The following NR2C1 variants were observed in gnomAD, a reference collection of about 807,000 sequenced individuals.
NR2C1 encodes the protein nuclear receptor subfamily 2 group C member 1.
In NR2C1, 33 loss-of-function variants were observed where a neutral mutation model predicts 74.8. That is an observed-to-expected ratio of 0.44 (90% CI 0.33 to 0.59). The LOEUF is 0.59. Ranked by LOEUF, NR2C1 falls within the 20% of genes least tolerant of loss-of-function variation. The probability of loss-of-function intolerance (pLI) is 0.02; values close to 1 mark genes in which losing one functional copy is unlikely to be tolerated. For missense variants in NR2C1, 568 were observed against 715.6 expected, an observed-to-expected ratio of 0.79 and a Z score of 2.35; for synonymous variants, 225 against 240.6, an observed-to-expected ratio of 0.94 and a Z score of 0.60.
intron 2 of NR2C1, among the ~76,000 whole-genome samples, chr12:95,065,944 T>C (rs1446514957): frequency 6.9e-6 from 1 of 145,926 alleles, no homozygotes; most frequent in Non-Finnish European, 1.5e-5. Flanking sequence ...AGCGAGACTT[T>C]GTCTCAAAAA....
chr12:95,057,084 T>C (rs1317148264), intron 7 of NR2C1, among the ~76,000 whole-genome samples: 1 of 151,514 alleles, frequency 6.6e-6, no homozygotes, highest in East Asian at 1.9e-4. Context: ...CTAGTGAAAT[T>C]ATGAACATTT....
chr12:95,045,820 T>A (rs993163827), intron 9 of NR2C1, among the ~76,000 whole-genome samples: 20 of 151,954 alleles, frequency 1.3e-4, no homozygotes, highest in African/African-American at 4.8e-4. Context: ...TACCAAAAAT[T>A]ATGAAGTTTA....
At chr12:95,025,682 A>G (rs1269668541) in intron 12 of NR2C1, among the ~76,000 whole-genome samples, 3 of 145,490 alleles carry the variant, frequency 2.1e-5, no homozygotes, top group African/African-American at 7.6e-5. Flanking sequence ...AAAAAAAAAA[A>G]GTGTGGCTCA....
intron 10 of NR2C1, among the ~76,000 whole-genome samples, chr12:95,033,420 G>A (rs1870406559): frequency 6.6e-6 from 1 of 152,012 alleles, no homozygotes; most frequent in Admixed American, 6.6e-5. Context: ...AAAGATGGCA[G>A]AGAATTAAAA....
intron 10 of NR2C1, among the ~76,000 whole-genome samples, chr12:95,034,255 A>C (rs1169656004): frequency 6.6e-6 from 1 of 152,198 alleles, no homozygotes; most frequent in African/African-American, 2.4e-5. Context: ...TCAGTATCCA[A>C]GAAGGATCAC....
intron 13 of NR2C1, among the ~76,000 whole-genome samples, chr12:95,023,167 G>T (rs1868965618): frequency 6.6e-6 from 1 of 151,850 alleles, no homozygotes; most frequent in African/African-American, 2.4e-5. Context: ...AATCAGCCGG[G>T]CATGACCAGC....
chr12:95,060,210 C>G lies in NR2C1; in HGVS notation c.286-226G>C, dbSNP rs568244705. Among the ~76,000 whole-genome samples, 3 of 152,142 alleles carry G rather than the reference C, an allele frequency of 2.0e-5. No homozygotes were observed. The East Asian group carries it at 5.8e-4, about 29-fold the overall frequency. On this transcript the variant is annotated intron_variant, in intron 3 of 13. Coordinates refer to ENST00000333003, the MANE Select transcript of NR2C1 (RefSeq NM_003297.4). ...ATGGCATAAAGAGATAACTCTAAAC[C>G]TTTTAAATAGAAAAGGGGCTATAAA...
At chr12:95,059,827 TG>T in intron 4 of NR2C1, 78 bp downstream of exon 4, 1 of 931,430 alleles carries the variant, frequency 1.1e-6, no homozygotes, top group Non-Finnish European at 1.6e-6. Context: ...CATGGTAGTG[TG>T]GTAGTTATTT....
intron 9 of NR2C1, among the ~76,000 whole-genome samples, chr12:95,043,013 A>G (rs1871793460): frequency 6.6e-6 from 1 of 151,772 alleles, no homozygotes; most frequent in Admixed American, 6.6e-5. Context: ...CCTGTATCCC[A>G]GCAACTCGGG....
chr12:95,032,457 C>CAAAAAA (rs905079010), intron 10 of NR2C1, among the ~76,000 whole-genome samples: 45 of 90,716 alleles, frequency 5.0e-4, no homozygotes, highest in African/African-American at 1.8e-3. Context: ...GACTCCGTCT[C>CAAAAAA]AAAAAAAAAA....
chr12:95,047,613 G>C (rs571909710), intron 9 of NR2C1, among the ~76,000 whole-genome samples: 2 of 152,188 alleles, frequency 1.3e-5, no homozygotes, highest in East Asian at 3.9e-4. Flanking sequence ...AAAATCCATG[G>C]AATTTTATAA....
At chr12:95,036,512 C>CT (rs776220936) in intron 10 of NR2C1, among the ~76,000 whole-genome samples, 4,514 of 140,010 alleles carry the variant, frequency 0.032, 124 homozygotes, top group African/African-American at 0.064. Context: ...TGTGGGTTTA[C>CT]TTTTTTTTTT....
chr12:95,020,817 G>A lies in NR2C1; in HGVS notation c.*1412C>T, dbSNP rs1258640956. 2 of 152,166 alleles carry A rather than the reference G, an allele frequency of 1.3e-5. No individual in the cohort carries two copies. Among genetic ancestry groups the A allele is most frequent in the Non-Finnish European group, 2.9e-5 (2 of 68,030 alleles). The allele number at this position is 152,166 out of a possible 1,614,324, so 9.4% of individuals were successfully genotyped here. A position where few individuals can be genotyped will look rare whatever the true frequency, so the allele number is the denominator to read the frequency against. On this transcript the variant is annotated 3_prime_UTR_variant, in exon 14 of 14. Transcript: ENST00000333003. ...TAAATTACTGTGGAAGACATCCGAG[G>A]AGTCTAAAATGAATTTGTTGTAGCA...
chr12:95,058,356 T>C lies in NR2C1; in HGVS notation c.498A>G (p.Gln166=), dbSNP rs766727252. ...CAATACATCTCTGTAACCTGCAGTA[T>C]TGACAGCGGTTTCGGTGGTGCTTAT... ...IINKHHRNRC[Q]YCRLQRCIAF... is the part of the protein sequence containing the mutation. The change falls in exon 5 of 14, where the codon CAA becomes CAG. Residue 166 remains glutamine (Q), a synonymous_variant. Coordinates refer to ENST00000333003, the MANE Select transcript of NR2C1 (RefSeq NM_003297.4). 3.1e-6 allele frequency: 5 copies of C among 1,613,746 alleles called. No individual in the cohort carries two copies. Among genetic ancestry groups the C allele is most frequent in the African/African-American group, 2.7e-5 (2 of 74,926 alleles).
At chr12:95,048,616 A>G (rs1215434394) in intron 9 of NR2C1, among the ~76,000 whole-genome samples, 1 of 146,394 alleles carries the variant, frequency 6.8e-6, no homozygotes, top group African/African-American at 2.6e-5. Flanking sequence ...TTCTATATGC[A>G]GATGAGTTTT....
chr12:95,067,106 A>T, intron 2 of NR2C1: 1 of 560,060 alleles, frequency 1.8e-6, no homozygotes, highest in East Asian at 3.1e-5. Flanking sequence ...CATTCCTTTC[A>T]ATTTTCTTCT....
At chr12:95,044,417 G>A (rs1371350408) in intron 9 of NR2C1, among the ~76,000 whole-genome samples, 4 of 151,394 alleles carry the variant, frequency 2.6e-5, no homozygotes, top group Non-Finnish European at 2.9e-5. Flanking sequence ...ACAGGTGCCC[G>A]CCACCACACC....
chr12:95,072,309 C>T (rs1272478194), intron 1 of NR2C1, among the ~76,000 whole-genome samples: 3 of 150,664 alleles, frequency 2.0e-5, no homozygotes, highest in African/African-American at 4.9e-5. Context: ...AAAAAACTAG[C>T]TGGGTGTGGT....
Position 95,057,936 on chromosome 12 carries a change from TGTAAGCTGTAG to T in NR2C1, c.545-69_545-59del, listed in dbSNP as rs1592778261. ...TATAGGATTTACAGACAATTAGAAATGTAAGCTGTAGGTAAGCTTAATGCTGCTAATAGGAG... is the reference window on the plus strand; with the variant it reads ...TATAGGATTTACAGACAATTAGAAATGTAAGCTTAATGCTGCTAATAGGAG... On this transcript the variant is annotated intron_variant, in intron 5 of 13. Transcript: ENST00000333003. 64 of 1,470,032 alleles carry T rather than the reference TGTAAGCTGTAG, an allele frequency of 4.4e-5. No homozygotes were observed. In the East Asian group the frequency reaches 1.5e-3, roughly 33 times the overall value. 91.1% of individuals were successfully genotyped at this position (1,470,032 alleles called of 1,614,324 possible).
Sources: gnomAD v4.1 joint callset for allele counts (sites outside exome capture counted in the v4.1 genomes callset) on GRCh38, gnomAD v4.1.1 for gene constraint, MANE v1.5 for transcripts, NCBI Gene and HGNC (gene_info 2026-07-23, HGNC 2026-07-21) for gene names.